The following MAPK8 variants were observed in gnomAD, a reference collection of about 807,000 sequenced individuals.
MAPK8 encodes the protein JUN N-terminal kinase.
A neutral mutation model predicts 52.9 loss-of-function variants in MAPK8; 13 were observed. The ratio of observed to expected loss-of-function variants is 0.25; its 90% CI spans 0.16 to 0.39. The LOEUF (loss-of-function observed/expected upper bound fraction) is 0.39, where lower values mean the gene tolerates loss of function less well. Ranked by LOEUF, MAPK8 falls within the 10% of genes least tolerant of loss-of-function variation. The pLI is 1.00. For synonymous variants in MAPK8, 191 were observed against 169.8 expected (o/e 1.12, Z -0.97); for missense variants, 300 against 519.2 (o/e 0.58, Z 4.10).
At chr10:48,379,838 T>G (rs2040879875) in intron 1 of MAPK8, among the ~76,000 whole-genome samples, 1 of 151,722 alleles carries the variant, frequency 6.6e-6, no homozygotes, top group South Asian at 2.1e-4. Context: ...GAAACCTGTA[T>G]TCAAGAATAC....
chr10:48,408,421 A>G (rs2042579650), intron 3 of MAPK8, among the ~76,000 whole-genome samples: 1 of 152,224 alleles, frequency 6.6e-6, no homozygotes, highest in Admixed American at 6.5e-5. Flanking sequence ...AATTAAGTTG[A>G]GTAGATAAAT....
chr10:48,412,134 C>T (rs1398256656), intron 5 of MAPK8, among the ~76,000 whole-genome samples: 1 of 152,208 alleles, frequency 6.6e-6, no homozygotes, highest in Non-Finnish European at 1.5e-5. Flanking sequence ...GCGTGAACCA[C>T]CCCACCTGGC....
chr10:48,410,239 C>G, intron 5 of MAPK8, 71 bp downstream of exon 5: 1 of 1,357,864 alleles, frequency 7.4e-7, no homozygotes. Flanking sequence ...CAAAATTAAC[C>G]ATTCTAAAGT....
At chr10:48,353,510 G>A (rs543489252) in intron 1 of MAPK8, among the ~76,000 whole-genome samples, 12 of 152,290 alleles carry the variant, frequency 7.9e-5, no homozygotes, top group Non-Finnish European at 1.3e-4. Flanking sequence ...AAATGGTACT[G>A]GCACAGTTGG....
chr10:48,435,067 C>A lies in MAPK8; in HGVS notation c.*38C>A, dbSNP rs371191645. The A allele has an allele frequency of 4.8e-6, 7 of 1,451,788 alleles. No homozygotes were observed. In the Admixed American group the frequency reaches 8.4e-5, roughly 17 times the overall value. 89.9% of individuals were successfully genotyped at this position (1,451,788 alleles called of 1,614,324 possible). ...TCGGGGGGTGGGAGGGATGGGGAGTCGGTTAGTCATTGATAGAACTACTTT... is the reference window on the plus strand; with the variant it reads ...TCGGGGGGTGGGAGGGATGGGGAGTAGGTTAGTCATTGATAGAACTACTTT... On this transcript the variant is annotated 3_prime_UTR_variant, in exon 12 of 12. Coordinates refer to ENST00000374189, the MANE Select transcript of MAPK8 (RefSeq NM_001323329.2).
In MAPK8 at chr10:48,359,983, T is replaced by C. The variant is rs190692243; in HGVS notation, c.-49-41629T>C. 1.5e-3 allele frequency among the ~76,000 whole-genome samples: 224 copies of C among 152,214 alleles called. 1 individual carries two copies. The highest frequency in any genetic ancestry group is 3.4e-3 in the Middle Eastern group (1 of 294). ...AGCAAGCCTCCAACTAGAGAAGATA[T>C]TTGCAACACATAATTGAGAAAGGAC... On this transcript the variant is annotated intron_variant, in intron 1 of 11. Transcript: ENST00000374189.
At chr10:48,389,019 A>G (rs570286073) in intron 1 of MAPK8, among the ~76,000 whole-genome samples, 169 of 152,262 alleles carry the variant, frequency 1.1e-3, no homozygotes, top group African/African-American at 3.9e-3. Context: ...GATGCACCCT[A>G]TATTTCACAT....
chr10:48,426,447 T>C lies in MAPK8; in HGVS notation c.939T>C (p.Asp313=). 6.2e-7 allele frequency: 1 copy of C among 1,612,062 alleles called. No individual in the cohort carries two copies. The highest frequency in any genetic ancestry group is 8.5e-7 in the Non-Finnish European group (1 of 1,179,130). ...VIDASKRISV[D]EALQHPYINV... is the part of the protein sequence containing the mutation. Reference sequence around the variant, plus strand: ...ATGCATCTAAAAGGATCTCTGTAGATGAAGCTCTCCAACACCCGTACATCA... The same window carrying C: ...ATGCATCTAAAAGGATCTCTGTAGACGAAGCTCTCCAACACCCGTACATCA... The change falls in exon 9 of 12, where the codon GAT becomes GAC. Residue 313 remains aspartate (D), a synonymous_variant. Transcript: ENST00000374189.
At chr10:48,358,908 G>C (rs747491363) in intron 1 of MAPK8, among the ~76,000 whole-genome samples, 6 of 152,136 alleles carry the variant, frequency 3.9e-5, no homozygotes, top group Middle Eastern at 3.2e-3. Context: ...AGAAATCGAT[G>C]ACCATTGATA....
At chr10:48,334,570 C>T (rs1010021334) in intron 1 of MAPK8, among the ~76,000 whole-genome samples, 3 of 152,188 alleles carry the variant, frequency 2.0e-5, no homozygotes, top group African/African-American at 7.2e-5. Flanking sequence ...CCACTGCCTC[C>T]TGAATAACAG....
intron 1 of MAPK8, among the ~76,000 whole-genome samples, chr10:48,334,235 GTCCCC>G (rs1844441539): frequency 6.6e-6 from 1 of 152,116 alleles, no homozygotes; most frequent in Non-Finnish European, 1.5e-5. Context: ...TCTTTCCTTT[GTCCCC>G]TAAGCCTAGA....
chr10:48,415,967 G>T (rs190914953), intron 5 of MAPK8, among the ~76,000 whole-genome samples: 1 of 152,272 alleles, frequency 6.6e-6, no homozygotes, highest in East Asian at 1.9e-4. Context: ...TATCTATTAT[G>T]AAGAATCTCC....
At chr10:48,390,888 T>G (rs1199305204) in intron 1 of MAPK8, among the ~76,000 whole-genome samples, 1 of 152,134 alleles carries the variant, frequency 6.6e-6, no homozygotes, top group Non-Finnish European at 1.5e-5. Flanking sequence ...AATCTGAAAA[T>G]GTAGGAGATG....
chr10:48,380,428 A>G (rs78830395), intron 1 of MAPK8, among the ~76,000 whole-genome samples: 3,066 of 152,096 alleles, frequency 0.02, 113 homozygotes, highest in African/African-American at 0.071. Context: ...ATCAGATATC[A>G]AAGGTTTAAA....
rs2045053675 is a variant in MAPK8, at chr10:48,438,672, CCT to C, written c.*3644_*3645del. 1 of 152,126 alleles carries C rather than the reference CCT, an allele frequency of 6.6e-6. No homozygotes were observed. The highest frequency in any genetic ancestry group is 2.1e-4 in the South Asian group (1 of 4,824). The allele number at this position is 152,126 out of a possible 1,614,324, so 9.4% of individuals were successfully genotyped here. A position where few individuals can be genotyped will look rare whatever the true frequency, so the allele number is the denominator to read the frequency against. ...TATGCTTTCCCAAGTAAGCTGTTGC[CCT>C]GTTAGATCTTTACTGAGTGAATTAT... On this transcript the variant is annotated 3_prime_UTR_variant, in exon 12 of 12. Coordinates refer to ENST00000374189, the MANE Select transcript of MAPK8 (RefSeq NM_001323329.2).
chr10:48,414,637 C>G (rs1303631432), intron 5 of MAPK8, among the ~76,000 whole-genome samples: 1 of 141,778 alleles, frequency 7.1e-6, no homozygotes, highest in African/African-American at 2.7e-5. Context: ...AGTGCAGTAG[C>G]ATGAACATGG....
At chr10:48,409,773 G>A in intron 3 of MAPK8, 106 bp from the exon 4 acceptor site, 1 of 746,068 alleles carries the variant, frequency 1.3e-6, no homozygotes, top group South Asian at 1.8e-5. Flanking sequence ...TGTAAAGAAA[G>A]ATTTTAAACT....
At chr10:48,375,425 A>G (rs2040597704) in intron 1 of MAPK8, among the ~76,000 whole-genome samples, 1 of 152,212 alleles carries the variant, frequency 6.6e-6, no homozygotes, top group African/African-American at 2.4e-5. Context: ...AAGGGTATTC[A>G]GTTAGGAAAA....
intron 6 of MAPK8, 92 bp downstream of exon 6, chr10:48,420,412 G>A (rs576938100): frequency 7.3e-5 from 89 of 1,213,102 alleles, no homozygotes; most frequent in Admixed American, 9.4e-5. Flanking sequence ...GCAGAAGTAC[G>A]TTGAGTTAAA....
Sources: gnomAD v4.1 joint callset for allele counts (sites outside exome capture counted in the v4.1 genomes callset) on GRCh38, gnomAD v4.1.1 for gene constraint, MANE v1.5 for transcripts, NCBI Gene and HGNC (gene_info 2026-07-23, HGNC 2026-07-21) for gene names.